Variants in ARL6IP6 observed in about 807,000 individuals in gnomAD.
ARL6IP6 encodes ARF like GTPase 6 interacting protein 6, also known as ADP-ribosylation factor-like protein 6-interacting protein 6.
In ARL6IP6, 22 loss-of-function variants were observed where a neutral mutation model predicts 21.5. That is an observed-to-expected ratio of 1.02 (90% CI 0.73 to 1.46). The LOEUF (loss-of-function observed/expected upper bound fraction) is 1.46, where lower values mean the gene tolerates loss of function less well. ARL6IP6 is among the 40% of genes most tolerant of loss of function. The pLI is 0.00. For synonymous variants in ARL6IP6, 164 were observed against 125.3 expected (o/e 1.31, Z -2.06); for missense variants, 388 against 299.8 (o/e 1.29, Z -2.17).
At chr2:152,742,415 A>T (rs1700854977) in intron 3 of ARL6IP6, among the ~76,000 whole-genome samples, 1 of 151,982 alleles carries the variant, frequency 6.6e-6, no homozygotes, top group South Asian at 2.1e-4. Flanking sequence ...AAAAAATTTT[A>T]AAAAGTATCC....
chr2:152,719,766 A>C (rs985974283), intron 1 of ARL6IP6: 88 of 319,414 alleles, frequency 2.8e-4, no homozygotes, highest in Admixed American at 4.0e-4. Context: ...AAAAAAAAAA[A>C]AAAAAAAACA....
rs1553533316 is a variant in ARL6IP6 at position 152,749,333 on chromosome 2, A to ACACACACG, written c.588-10411_588-10410insACACGCAC. On this transcript the variant is annotated intron_variant, in intron 3 of 3. Coordinates refer to ENST00000326446, the MANE Select transcript of ARL6IP6 (RefSeq NM_152522.7). ...CACAAAAACACACACACACACACAC[A>ACACACACG]CACGCACGCACGCGAGAGAGACCTT... Among the ~76,000 whole-genome samples the ACACACACG allele has an allele frequency of 5.3e-5, 8 of 151,488 alleles. No individual in the cohort carries two copies. In the South Asian group the frequency reaches 6.2e-4, roughly 12 times the overall value.
chr2:152,721,126 ATG>A (rs1699771578), intron 2 of ARL6IP6, among the ~76,000 whole-genome samples: 1 of 152,156 alleles, frequency 6.6e-6, no homozygotes, highest in African/African-American at 2.4e-5. Flanking sequence ...GGGTACTGGT[ATG>A]TGTATGTACC....
intron 3 of ARL6IP6, among the ~76,000 whole-genome samples, chr2:152,747,024 C>G (rs1701089822): frequency 1.3e-5 from 2 of 151,688 alleles, no homozygotes; most frequent in Non-Finnish European, 2.9e-5. Context: ...GAGATAGGGT[C>G]TCACTAAGTT....
chr2:152,749,860 G>A (rs1239028044), intron 3 of ARL6IP6, among the ~76,000 whole-genome samples: 1 of 152,158 alleles, frequency 6.6e-6, no homozygotes, highest in Non-Finnish European at 1.5e-5. Flanking sequence ...TATCTTTCAG[G>A]ATATGGAAGT....
chr2:152,722,638 C>T (rs191977078), intron 2 of ARL6IP6, among the ~76,000 whole-genome samples: 1 of 152,242 alleles, frequency 6.6e-6, no homozygotes, highest in Non-Finnish European at 1.5e-5. Flanking sequence ...CGCGGTGGCT[C>T]ACACGTATAA....
chr2:152,732,350 G>A (rs935966355), intron 2 of ARL6IP6, among the ~76,000 whole-genome samples: 2 of 151,966 alleles, frequency 1.3e-5, no homozygotes, highest in African/African-American at 4.8e-5. Context: ...ATCAGAGAAT[G>A]TTATCCAACT....
intron 2 of ARL6IP6, among the ~76,000 whole-genome samples, chr2:152,731,176 C>A (rs1700292369): frequency 6.6e-6 from 1 of 152,154 alleles, no homozygotes; most frequent in African/African-American, 2.4e-5. Context: ...CAGGCTATTT[C>A]TTCTTTCTGC....
intron 2 of ARL6IP6, among the ~76,000 whole-genome samples, chr2:152,731,453 A>G (rs532347873): frequency 8.5e-5 from 13 of 152,272 alleles, no homozygotes; most frequent in Admixed American, 2.6e-4. Flanking sequence ...GATAATTCGT[A>G]AGTCATCTGC....
intron 2 of ARL6IP6, 119 bp downstream of exon 2, chr2:152,720,705 T>A: frequency 1.1e-6 from 1 of 911,952 alleles, no homozygotes; most frequent in Non-Finnish European, 1.7e-6. Context: ...CATTCAGTCT[T>A]GTTTTTAATT....
chr2:152,737,665 T>C (rs1402009410), intron 3 of ARL6IP6, among the ~76,000 whole-genome samples: 5 of 152,174 alleles, frequency 3.3e-5, no homozygotes, highest in Admixed American at 3.3e-4. Context: ...CTGCTCTTTA[T>C]AAAACTGTCA....
At chr2:152,743,114 T>A (rs964149168) in intron 3 of ARL6IP6, among the ~76,000 whole-genome samples, 1 of 24,456 alleles carries the variant, frequency 4.1e-5, no homozygotes, top group Non-Finnish European at 9.5e-5. Flanking sequence ...ACTTTCTCTG[T>A]CTTTTCCATT....
intron 2 of ARL6IP6, among the ~76,000 whole-genome samples, chr2:152,727,878 A>C (rs1357581727): frequency 3.9e-5 from 6 of 152,164 alleles, no homozygotes; most frequent in Non-Finnish European, 8.8e-5. Flanking sequence ...CCCTGTCATC[A>C]GTGTATGATT....
intron 2 of ARL6IP6, among the ~76,000 whole-genome samples, chr2:152,723,858 A>G (rs776535296): frequency 6.6e-6 from 1 of 152,122 alleles, no homozygotes; most frequent in African/African-American, 2.4e-5. Flanking sequence ...AAAAAGACAC[A>G]AGTTGAGTAA....
chr2:152,731,643 A>G (rs1700316985), intron 2 of ARL6IP6, among the ~76,000 whole-genome samples: 1 of 152,130 alleles, frequency 6.6e-6, no homozygotes, highest in Non-Finnish European at 1.5e-5. Flanking sequence ...ACTTAGTTCT[A>G]TTTTGAATAG....
chr2:152,726,442 G>C (rs78172213), intron 2 of ARL6IP6, among the ~76,000 whole-genome samples: 13 of 152,138 alleles, frequency 8.5e-5, no homozygotes, highest in African/African-American at 2.9e-4. Context: ...TGGCTTTGAC[G>C]TGTAAAGAGA....
chr2:152,742,835 GT>G (rs1700880276), intron 3 of ARL6IP6, among the ~76,000 whole-genome samples: 1 of 152,062 alleles, frequency 6.6e-6, no homozygotes, highest in Non-Finnish European at 1.5e-5. Flanking sequence ...TTAGTCTGGT[GT>G]TTCCATTTTT....
chr2:152,754,584 G>A (rs963421105), intron 3 of ARL6IP6, among the ~76,000 whole-genome samples: 2 of 152,150 alleles, frequency 1.3e-5, no homozygotes, highest in Admixed American at 6.5e-5. Flanking sequence ...TATACCTAGA[G>A]TGGAATTGTT....
intron 2 of ARL6IP6, among the ~76,000 whole-genome samples, chr2:152,734,425 A>C (rs1700461342): frequency 6.6e-6 from 1 of 152,244 alleles, no homozygotes; most frequent in Non-Finnish European, 1.5e-5. Flanking sequence ...GAATGAAAGG[A>C]ATCACTTAGT....
Sources: allele counts gnomAD v4.1 joint callset (sites outside exome capture counted in the v4.1 genomes callset), GRCh38; gene constraint gnomAD v4.1.1; transcripts MANE v1.5; gene names NCBI Gene and HGNC (gene_info 2026-07-23, HGNC 2026-07-21).